Variants in KDM1B observed in about 807,000 individuals in gnomAD.
The protein encoded by KDM1B is lysine demethylase 1B.
In KDM1B, 63 loss-of-function variants were observed where a neutral mutation model predicts 107.4. The ratio of observed to expected loss-of-function variants is 0.59; its 90% CI spans 0.48 to 0.72. KDM1B has a LOEUF of 0.72. Ranked by LOEUF, KDM1B falls within the 30% of genes least tolerant of loss-of-function variation. The pLI is 0.00. For missense variants in KDM1B, 749 were observed against 1,020.8 expected (o/e 0.73, Z 3.63); for synonymous variants, 363 against 363.9 (o/e 1.00, Z 0.03).
intron 7 of KDM1B, among the ~76,000 whole-genome samples, chr6:18,185,130 C>G (rs1786769228): frequency 6.6e-6 from 1 of 152,056 alleles, no homozygotes; most frequent in Admixed American, 6.6e-5. Flanking sequence ...AAAATATAAC[C>G]CAGTTAGAAT....
rs996347189 is a variant in KDM1B, at chr6:18,186,835, G to A, written c.574-957G>A. Among the ~76,000 whole-genome samples, 2 of 152,212 alleles carry A rather than the reference G, an allele frequency of 1.3e-5. No individual in the cohort carries two copies. Among genetic ancestry groups the A allele is most frequent in the African/African-American group, 4.8e-5 (2 of 41,542 alleles). On this transcript the variant is annotated intron_variant, in intron 8 of 21. Transcript: ENST00000650836. The surrounding 1 kb of genome is among the most constrained non-coding windows in gnomAD (Gnocchi z 5.6). ...TCATTATCACAAGAACAGCATGAGGGTAACTGCCCCTGTGGTTTAATTACC... is the reference window on the plus strand; with the variant it reads ...TCATTATCACAAGAACAGCATGAGGATAACTGCCCCTGTGGTTTAATTACC...
At chr6:18,175,709 A>C (rs1046989091) in intron 7 of KDM1B, among the ~76,000 whole-genome samples, 3 of 152,128 alleles carry the variant, frequency 2.0e-5, no homozygotes, top group African/African-American at 7.2e-5. Flanking sequence ...TCCCAGCACC[A>C]TTTGTTGTAA....
intron 21 of KDM1B, among the ~76,000 whole-genome samples, chr6:18,218,449 T>C (rs1248135302): frequency 6.6e-6 from 1 of 152,168 alleles, no homozygotes; most frequent in African/African-American, 2.4e-5. Context: ...GATTTAACAT[T>C]AGACAGACAT....
Position 18,212,762 on chromosome 6 carries a change from A to G in KDM1B, c.1983+158A>G, listed in dbSNP as rs1788942917. The stretch of plus-strand genomic sequence containing the variant: ...AATTGTTCGTGAAGAACACAGAAGA[A>G]TATTATCAAAACGAAAGGAGGAGAG... On this transcript the variant is annotated intron_variant, in intron 18 of 21. Coordinates refer to ENST00000650836, the MANE Select transcript of KDM1B (RefSeq NM_001364614.2). The surrounding 1 kb of genome is among the most constrained non-coding windows in gnomAD (Gnocchi z 5.2). Among the ~76,000 whole-genome samples the G allele has an allele frequency of 1.3e-5, 2 of 152,226 alleles. No individual in the cohort carries two copies. The highest frequency in any genetic ancestry group is 2.9e-5 in the Non-Finnish European group (2 of 68,030).
chr6:18,169,471 C>T (rs913124838), intron 6 of KDM1B, among the ~76,000 whole-genome samples: 1 of 152,106 alleles, frequency 6.6e-6, no homozygotes, highest in Non-Finnish European at 1.5e-5. Flanking sequence ...GGTCATCTGC[C>T]TGCCTCAGCT....
Position 18,214,331 on chromosome 6 carries a change from A to G in KDM1B, c.2109+550A>G, listed in dbSNP as rs1789063755. 6.6e-6 allele frequency among the ~76,000 whole-genome samples: 1 copy of G among 152,230 alleles called. No homozygotes were observed. Among genetic ancestry groups the G allele is most frequent in the Non-Finnish European group, 1.5e-5 (1 of 68,034 alleles). ...AACTTTGTCTTAAAAGGTTTCACATAGGAGCCGAGGGCAGATTTTCTTTAC... is the reference window on the plus strand; with the variant it reads ...AACTTTGTCTTAAAAGGTTTCACATGGGAGCCGAGGGCAGATTTTCTTTAC... On this transcript the variant is annotated intron_variant, in intron 19 of 21. Coordinates refer to ENST00000650836, the MANE Select transcript of KDM1B (RefSeq NM_001364614.2). The surrounding 1 kb of genome is among the most constrained non-coding windows in gnomAD (Gnocchi z 4.4).
intron 5 of KDM1B, among the ~76,000 whole-genome samples, chr6:18,164,268 C>T (rs933967615): frequency 2.0e-5 from 3 of 152,094 alleles, no homozygotes; most frequent in African/African-American, 7.2e-5. Flanking sequence ...GCTGGGATTA[C>T]AGGCGTGCAC....
At chr6:18,174,768 A>G (rs139991629) in intron 7 of KDM1B, among the ~76,000 whole-genome samples, 87 of 152,260 alleles carry the variant, frequency 5.7e-4, no homozygotes, top group African/African-American at 1.9e-3. Flanking sequence ...TATCTCATCC[A>G]GGTTGCTGCA....
chr6:18,219,859 G>A (rs1283502002), intron 21 of KDM1B, among the ~76,000 whole-genome samples: 1 of 152,250 alleles, frequency 6.6e-6, no homozygotes, highest in African/African-American at 2.4e-5. Context: ...GGCGCTGGAA[G>A]CTTCATTGTT....
rs745629327 is a variant in KDM1B at position 18,197,186 on chromosome 6, C to T, written c.1099C>T (p.Leu367Phe). ...TRKGLINTGV[L>F]SVGADQYLLP... ...AAAAGGTCTCATCAACACTGGAGTT[C>T]TCAGCGTGGGAGCCGACCAGTATCT... Residue 367 changes from leucine to phenylalanine, a missense_variant, in exon 11 of 22, where the codon CTC (leucine) becomes TTC (phenylalanine). By Grantham distance (22) the Leu-to-Phe change is conservative (BLOSUM62 0). Transcript: ENST00000650836. The surrounding 1 kb of genome is among the most constrained non-coding windows in gnomAD (Gnocchi z 4.5). 1 of 1,614,140 alleles carries T rather than the reference C, an allele frequency of 6.2e-7. No individual in the cohort carries two copies. The highest frequency in any genetic ancestry group is 2.2e-5 in the East Asian group (1 of 44,886).
At position 18,204,772 on chromosome 6, in the gene KDM1B, A is replaced by T. The variant is rs534187575; in HGVS notation, c.1532-765A>T. 1.3e-5 allele frequency among the ~76,000 whole-genome samples: 2 copies of T among 152,322 alleles called. No individual in the cohort carries two copies. Among genetic ancestry groups the T allele is most frequent in the African/African-American group, 4.8e-5 (2 of 41,572 alleles). On this transcript the variant is annotated intron_variant, in intron 14 of 21. Transcript: ENST00000650836. The surrounding 1 kb of genome is among the most constrained non-coding windows in gnomAD (Gnocchi z 4.9). ...TCTGGGGGCTTGCCACGGCCCGGTG[A>T]TGCCCGACTATAAAGAATGGATGGG...
At chr6:18,161,589 T>C in intron 4 of KDM1B, 135 bp downstream of exon 4, 1 of 934,470 alleles carries the variant, frequency 1.1e-6, no homozygotes, top group Admixed American at 2.6e-5. Flanking sequence ...ATAGAGACAT[T>C]GCCCAGACAT....
Position 18,214,455 on chromosome 6 carries a change from A to G in KDM1B, c.2110-552A>G, listed in dbSNP as rs1254500626. 6.6e-6 allele frequency among the ~76,000 whole-genome samples: 1 copy of G among 152,230 alleles called. No individual in the cohort carries two copies. Among genetic ancestry groups the G allele is most frequent in the Non-Finnish European group, 1.5e-5 (1 of 68,032 alleles). On this transcript the variant is annotated intron_variant, in intron 19 of 21. Transcript: ENST00000650836. The surrounding 1 kb of genome is among the most constrained non-coding windows in gnomAD (Gnocchi z 4.4). Reference sequence around the variant, plus strand: ...AGCAAGCTTTAATTAGTGAACAGCCAAGGGAACCTTAAAGTTGCTATTTAC... The same window carrying G: ...AGCAAGCTTTAATTAGTGAACAGCCGAGGGAACCTTAAAGTTGCTATTTAC...
chr6:18,217,879 T>A lies in KDM1B; in HGVS notation c.2379T>A (p.Ala793=). ...ACATTCAAGGAACCGTCTTTTTCGC[T>A]GGTGAGGTATGGATCTTGATTCCAA... The part of the protein sequence containing the change: ...AEDIQGTVFF[A]GEATNRHFPQ... Residue 793 remains alanine, a synonymous_variant, in exon 21 of 22, where the codon GCT becomes GCA. Transcript: ENST00000650836. 6.2e-7 allele frequency: 1 copy of A among 1,610,684 alleles called. No individual in the cohort carries two copies. The highest frequency in any genetic ancestry group is 8.5e-7 in the Non-Finnish European group (1 of 1,179,132).
chr6:18,222,431 T>A lies in KDM1B; in HGVS notation c.*439T>A. On this transcript the variant is annotated 3_prime_UTR_variant, in exon 22 of 22. Transcript: ENST00000650836. Reference sequence around the variant, plus strand: ...TTCTGTGACAATTTATCAGTATCTTTACCAATGAGCCTTAATTTTTATATA... The same window carrying A: ...TTCTGTGACAATTTATCAGTATCTTAACCAATGAGCCTTAATTTTTATATA... The A allele has an allele frequency of 3.4e-6, 1 of 296,176 alleles. No homozygotes were observed. The highest frequency in any genetic ancestry group is 6.6e-6 in the Non-Finnish European group (1 of 151,368). The allele number at this position is 296,176 out of a possible 1,614,324, so 18.3% of individuals were successfully genotyped here.
chr6:18,215,041 G>A lies in KDM1B; in HGVS notation c.2144G>A (p.Gly715Glu). Reference protein sequence around the residue: ...KHSVLMSVIAGEAVASVRTLD... With the variant: ...KHSVLMSVIAEEAVASVRTLD... The stretch of plus-strand genomic sequence containing the variant: ...AGCGTGCTGATGTCTGTGATTGCCG[G>A]GGAGGCTGTCGCATCCGTGAGGACC... Residue 715 changes from glycine to glutamate, a missense_variant, in exon 20 of 22, where the codon GGG becomes GAG. Coordinates refer to ENST00000650836, the MANE Select transcript of KDM1B (RefSeq NM_001364614.2). 2 of 1,614,032 alleles carry A rather than the reference G, an allele frequency of 1.2e-6. No individual in the cohort carries two copies. The highest frequency in any genetic ancestry group is 8.5e-7 in the Non-Finnish European group (1 of 1,179,974).
chr6:18,173,735 G>A (rs1216564949), intron 7 of KDM1B, among the ~76,000 whole-genome samples: 1 of 151,926 alleles, frequency 6.6e-6, no homozygotes, highest in Non-Finnish European at 1.5e-5. Flanking sequence ...ATTACCGTTT[G>A]CTAAAAAGAC....
chr6:18,222,021 A>AC lies in KDM1B; in HGVS notation c.*33dup. ...TTCGGTGGACCCAGCTTTCTTCTGT[A>AC]CCCCAGATGGGGAAATTTGAATCAC... On this transcript the variant is annotated 3_prime_UTR_variant, in exon 22 of 22. Transcript: ENST00000650836. The AC allele has an allele frequency of 3.8e-6, 6 of 1,596,910 alleles. No homozygotes were observed. The highest frequency in any genetic ancestry group is 4.3e-6 in the Non-Finnish European group (5 of 1,164,380).
Position 18,191,175 on chromosome 6 carries a change from GC to G in KDM1B, c.785-19del, listed in dbSNP as rs1787261416. 1.3e-6 allele frequency: 2 copies of G among 1,546,058 alleles called. No homozygotes were observed. Among genetic ancestry groups the G allele is most frequent in the African/African-American group, 1.4e-5 (1 of 72,872 alleles). On this transcript the variant is annotated intron_variant, in intron 9 of 21. Coordinates refer to ENST00000650836, the MANE Select transcript of KDM1B (RefSeq NM_001364614.2). The surrounding 1 kb of genome is among the most constrained non-coding windows in gnomAD (Gnocchi z 5.1). ...TTGGAAGTTACAGCTTGTAGGAGTT[GC>G]CCATTTGTGTTACCTATCAGTTCCA...
Sources: allele counts gnomAD v4.1 joint callset (sites outside exome capture counted in the v4.1 genomes callset), GRCh38; gene constraint gnomAD v4.1.1; non-coding constraint Gnocchi (gnomAD v3.1); transcripts MANE v1.5; gene names NCBI Gene and HGNC (gene_info 2026-07-23, HGNC 2026-07-21).